RNASE4: variants seen among roughly 807,000 people sequenced by gnomAD.
RNASE4 encodes the protein ribonuclease A family member 4.
For synonymous variants in RNASE4, 93 were observed against 71.4 expected (o/e 1.30, Z -1.52); for missense variants, 194 against 192.8 (o/e 1.01, Z -0.04).
rs1887232981 is a variant in RNASE4 at position 20,699,779 on chromosome 14, G to A, written c.408G>A (p.Glu136=). 1.9e-6 allele frequency: 3 copies of A among 1,612,476 alleles called. No individual in the cohort carries two copies. The highest frequency in any genetic ancestry group is 2.7e-5 in the African/African-American group (2 of 74,930). The change falls in exon 2 of 2, where the codon GAG becomes GAA. Residue 136 remains glutamate, a synonymous_variant. Transcript: ENST00000555835. ...ASTRRVVIAC[E]GNPQVPVHFD... ...CTAGACGTGTTGTCATTGCCTGTGA[G>A]GGTAACCCACAGGTGCCTGTGCACT...
At chr14:20,692,455 G>C (rs553125029) in intron 1 of RNASE4, among the ~76,000 whole-genome samples, 1 of 152,268 alleles carries the variant, frequency 6.6e-6, no homozygotes, top group Non-Finnish European at 1.5e-5. Flanking sequence ...CCCTAGAACA[G>C]AGGTCCCCAA....
At chr14:20,694,079 T>A (rs1886980220) in intron 1 of RNASE4, 2 of 1,564,912 alleles carry the variant, frequency 1.3e-6, no homozygotes, top group Non-Finnish European at 1.8e-6. Context: ...CCCAGAACAG[T>A]GGTGGCAACA....
At chr14:20,692,855 T>A (rs1312359030) in intron 1 of RNASE4, among the ~76,000 whole-genome samples, 1 of 152,202 alleles carries the variant, frequency 6.6e-6, no homozygotes, top group Admixed American at 6.5e-5. Context: ...TTTTTGTTTT[T>A]ATTTTTTTCC....
At chr14:20,693,500 G>A in intron 1 of RNASE4, 1 of 1,602,704 alleles carries the variant, frequency 6.2e-7, no homozygotes, top group Non-Finnish European at 8.5e-7. Flanking sequence ...GGCCTAATTT[G>A]GTGATGCTGT....
chr14:20,699,273 G>A, intron 1 of RNASE4, 82 bp from the exon 2 acceptor site: 6 of 1,187,184 alleles, frequency 5.1e-6, no homozygotes, highest in Non-Finnish European at 7.1e-6. Context: ...ATGGAGTCAG[G>A]ATGCCGGCTT....
At position 20,684,707 on chromosome 14, in the gene RNASE4, A is replaced by G. The variant is rs550689462; in HGVS notation, c.-69A>G. ...GGGAGGAAGAAGCGGGTGAGAAACA[A>G]AACTTCTTTCCATTGTCCTGCCCGT... On this transcript the variant is annotated 5_prime_UTR_variant, in exon 1 of 2. Coordinates refer to ENST00000555835, the MANE Select transcript of RNASE4 (RefSeq NM_002937.5). 1.3e-5 allele frequency: 2 copies of G among 152,420 alleles called. No homozygotes were observed. Among genetic ancestry groups the G allele is most frequent in the African/African-American group, 4.8e-5 (2 of 41,562 alleles). 9.4% of individuals were successfully genotyped at this position (152,420 alleles called of 1,614,324 possible).
At position 20,700,530 on chromosome 14, in the gene RNASE4, T is replaced by C. The variant is rs747695890; in HGVS notation, c.*715T>C. 1 of 167,046 alleles carries C rather than the reference T, an allele frequency of 6.0e-6. No homozygotes were observed. Among genetic ancestry groups the C allele is most frequent in the Non-Finnish European group, 1.5e-5 (1 of 68,134 alleles). The allele number at this position is 167,046 out of a possible 1,614,324, so 10.3% of individuals were successfully genotyped here. A position where few individuals can be genotyped will look rare whatever the true frequency, so the allele number is the denominator to read the frequency against. ...AAATGTACTAGATCATTAAGACTTA[T>C]GTGCTCTTACTGATTGAAAGATTTT... is the stretch of plus-strand genomic sequence containing the variant. On this transcript the variant is annotated 3_prime_UTR_variant, in exon 2 of 2. Coordinates refer to ENST00000555835, the MANE Select transcript of RNASE4 (RefSeq NM_002937.5).
At chr14:20,694,177 T>C in intron 1 of RNASE4, 3 of 723,478 alleles carry the variant, frequency 4.1e-6, no homozygotes, top group Non-Finnish European at 7.1e-6. Flanking sequence ...TGTCTTGATA[T>C]CAGTAAGAAT....
chr14:20,698,386 A>T (rs574812729), intron 1 of RNASE4, among the ~76,000 whole-genome samples: 1 of 152,230 alleles, frequency 6.6e-6, no homozygotes, highest in Non-Finnish European at 1.5e-5. Flanking sequence ...AAGGAGAAGA[A>T]GACACAATCC....
intron 1 of RNASE4, among the ~76,000 whole-genome samples, chr14:20,690,197 G>C (rs1388016508): frequency 8.1e-6 from 1 of 123,180 alleles, no homozygotes; most frequent in African/African-American, 3.1e-5. Flanking sequence ...AGTCCGGCCT[G>C]GGCGACAGAG....
At chr14:20,686,255 T>C (rs1886422377) in intron 1 of RNASE4, among the ~76,000 whole-genome samples, 1 of 152,086 alleles carries the variant, frequency 6.6e-6, no homozygotes, top group African/African-American at 2.4e-5. Flanking sequence ...GGCACTCTAG[T>C]AATGTGGAGA....
At chr14:20,693,617 T>G (rs768342067) in intron 1 of RNASE4, 1 of 1,614,068 alleles carries the variant, frequency 6.2e-7, no homozygotes, top group Non-Finnish European at 8.5e-7. Context: ...GGTCTGGGTC[T>G]GACCCCACCG....
Position 20,695,020 on chromosome 14 carries a change from A to G in RNASE4, c.-17-4335A>G, listed in dbSNP as rs554454850. On this transcript the variant is annotated intron_variant, in intron 1 of 1. Transcript: ENST00000555835. ...TCTTGTCATGGTTATTTTATATAAAATTCAAAAACCAATTACATTATTTCC... is the reference window on the plus strand; with the variant it reads ...TCTTGTCATGGTTATTTTATATAAAGTTCAAAAACCAATTACATTATTTCC... Among the ~76,000 whole-genome samples, 4 of 152,356 alleles carry G rather than the reference A, an allele frequency of 2.6e-5. No homozygotes were observed. The East Asian group carries it at 7.7e-4, about 29-fold the overall frequency.
intron 1 of RNASE4, among the ~76,000 whole-genome samples, chr14:20,696,289 G>A (rs1423596594): frequency 1.3e-5 from 2 of 152,150 alleles, no homozygotes; most frequent in Non-Finnish European, 2.9e-5. Context: ...CTGACCTGCC[G>A]ATGGTACTGG....
chr14:20,690,456 C>G (rs1444145754), intron 1 of RNASE4, among the ~76,000 whole-genome samples: 1 of 152,036 alleles, frequency 6.6e-6, no homozygotes, highest in Non-Finnish European at 1.5e-5. Flanking sequence ...TTCCATTTTA[C>G]CTTGCTTTTT....
intron 1 of RNASE4, among the ~76,000 whole-genome samples, chr14:20,696,748 A>G (rs1594213002): frequency 6.6e-6 from 1 of 152,046 alleles, no homozygotes; most frequent in Non-Finnish European, 1.5e-5. Flanking sequence ...AAAAAAATGC[A>G]GTAATTGCCA....
At chr14:20,696,721 A>G (rs923255423) in intron 1 of RNASE4, among the ~76,000 whole-genome samples, 6 of 151,202 alleles carry the variant, frequency 4.0e-5, no homozygotes, top group African/African-American at 1.5e-4. Context: ...ACCAAGAAAA[A>G]TGGAAGTGGT....
chr14:20,684,678 A>G lies in RNASE4; in HGVS notation c.-98A>G, dbSNP rs1023095863. The G allele has an allele frequency of 1.3e-5, 2 of 152,314 alleles. No homozygotes were observed. Among genetic ancestry groups the G allele is most frequent in the Non-Finnish European group, 2.9e-5 (2 of 68,150 alleles). The allele number at this position is 152,314 out of a possible 1,614,324, so 9.4% of individuals were successfully genotyped here. A position where few individuals can be genotyped will look rare whatever the true frequency, so the allele number is the denominator to read the frequency against. On this transcript the variant is annotated 5_prime_UTR_variant, in exon 1 of 2. Transcript: ENST00000555835. ...TTTTCTACCGGCTCCCCATCATCGTACTAGGGAGGAAGAAGCGGGTGAGAA... is the reference window on the plus strand; with the variant it reads ...TTTTCTACCGGCTCCCCATCATCGTGCTAGGGAGGAAGAAGCGGGTGAGAA...
intron 1 of RNASE4, chr14:20,698,760 A>G (rs1399607148): frequency 6.6e-6 from 1 of 152,212 alleles, no homozygotes; most frequent in African/African-American, 2.4e-5. Flanking sequence ...TAGCCACATG[A>G]CAAAAAAGAA....
Sources: allele counts gnomAD v4.1 joint callset (sites outside exome capture counted in the v4.1 genomes callset), GRCh38; gene constraint gnomAD v4.1.1; transcripts MANE v1.5; gene names NCBI Gene and HGNC (gene_info 2026-07-23, HGNC 2026-07-21).